The following ZBTB17 variants were observed in gnomAD, a reference collection of about 807,000 sequenced individuals.
ZBTB17 encodes the protein zinc finger and BTB domain-containing protein 17.
In ZBTB17, 24 loss-of-function variants were observed where a neutral mutation model predicts 85.1. That is an observed-to-expected ratio of 0.28 (90% CI 0.20 to 0.40). The LOEUF is 0.40. ZBTB17 is among the 10% of genes least tolerant of loss of function. The probability of loss-of-function intolerance (pLI) is 1.00; values close to 1 mark genes in which losing one functional copy is unlikely to be tolerated. For missense variants in ZBTB17, 743 were observed against 1,105.1 expected (o/e 0.67, Z 4.65); for synonymous variants, 464 against 460.2 (o/e 1.01, Z -0.11).
intron 3 of ZBTB17, 138 bp downstream of exon 3, chr1:15,948,153 C>T (rs1160559710): frequency 7.0e-6 from 7 of 1,004,950 alleles, no homozygotes; most frequent in Non-Finnish European, 1.1e-5. Context: ...TACTGAATTG[C>T]TCATGGCCTG....
intron 2 of ZBTB17, chr1:15,969,802 C>T (rs2072577934): frequency 3.8e-6 from 2 of 531,880 alleles, no homozygotes; most frequent in Non-Finnish European, 7.2e-6. Flanking sequence ...GTGCATCCCT[C>T]CCCAGCTTCC....
chr1:15,956,169 C>A (rs1403816895), intron 2 of ZBTB17, among the ~76,000 whole-genome samples: 1 of 152,260 alleles, frequency 6.6e-6, no homozygotes, highest in Non-Finnish European at 1.5e-5. Context: ...AAGGCACACA[C>A]ACCCATCAGC....
chr1:15,975,834 G>C (rs2072859432), intron 1 of ZBTB17, 149 bp downstream of exon 1: 2 of 136,700 alleles, frequency 1.5e-5, no homozygotes, highest in Non-Finnish European at 3.0e-5. Flanking sequence ...CCCGCCCAGC[G>C]GTGTCCCCTC....
chr1:15,970,426 C>CT (rs2072605568), intron 2 of ZBTB17, among the ~76,000 whole-genome samples: 1 of 151,980 alleles, frequency 6.6e-6, no homozygotes, highest in African/African-American at 2.4e-5. Context: ...GAGTCTCACT[C>CT]TGTCACCTAA....
At position 15,943,864 on chromosome 1, in the gene ZBTB17, T is replaced by C. The variant is rs752501017; in HGVS notation, c.1403A>G (p.His468Arg). ...GCACTTGAGGGGCCCGTCAGCGATG[T>C]GGATCTTCAGGTGGGCCTTCAGGTT... Reference protein sequence around the residue: ...VGNLKAHLKIHIADGPLKCRE... With the variant: ...VGNLKAHLKIRIADGPLKCRE... Residue 468 changes from histidine to arginine, a missense_variant, in exon 10 of 16, where the codon CAC becomes CGC. By Grantham distance (29) the His-to-Arg change is conservative. Around this residue, in one of 4 missense-constraint regions of ZBTB17, gnomAD observed 321 missense variants for 615.7 expected, o/e 0.52. Transcript: ENST00000375743. 2 of 1,609,466 alleles carry C rather than the reference T, an allele frequency of 1.2e-6. No homozygotes were observed. Among genetic ancestry groups the C allele is most frequent in the East Asian group, 2.2e-5 (1 of 44,648 alleles).
intron 2 of ZBTB17, among the ~76,000 whole-genome samples, chr1:15,949,256 T>C (rs908963801): frequency 6.6e-6 from 1 of 152,144 alleles, no homozygotes; most frequent in Non-Finnish European, 1.5e-5. Context: ...CAAGTGAAAA[T>C]GCTCAGGAAA....
Position 15,943,413 on chromosome 1 carries a change from C to G in ZBTB17, c.1683G>C (p.Glu561Asp). ...GGGGGCAGGACCTCTTGCCGCAGCG[C>G]TCGCAGACGTAGGGCTTCTCCCCGG... The part of the protein sequence containing the change: ...QHTGEKPYVC[E>D]RCGKRFVQSS... Residue 561 changes from glutamate (E) to aspartate (D), a missense_variant, in exon 12 of 16, where the codon GAG becomes GAC. Coordinates refer to ENST00000375743, the MANE Select transcript of ZBTB17 (RefSeq NM_003443.3). 6.2e-7 allele frequency: 1 copy of G among 1,602,028 alleles called. No homozygotes were observed. Among genetic ancestry groups the G allele is most frequent in the East Asian group, 2.2e-5 (1 of 44,728 alleles).
chr1:15,950,616 G>A (rs911819056), intron 2 of ZBTB17, among the ~76,000 whole-genome samples: 2 of 152,180 alleles, frequency 1.3e-5, no homozygotes, highest in Admixed American at 6.5e-5. Flanking sequence ...TGCAAGTGAG[G>A]CCCAACCCTT....
In ZBTB17 at chr1:15,942,332, T is replaced by A; in HGVS notation, c.2127A>T (p.Glu709Asp). 6.2e-7 allele frequency: 1 copy of A among 1,613,974 alleles called. No individual in the cohort carries two copies. Among genetic ancestry groups the A allele is most frequent in the Non-Finnish European group, 8.5e-7 (1 of 1,180,024 alleles). Residue 709 changes from glutamate (E) to aspartate (D), a missense_variant and splice_region_variant, in exon 15 of 16, where the codon GAA becomes GAT. Transcript: ENST00000375743. ...TCACACCCGGGTGGCCCCCCTCACC[T>A]TCTTCCTGCACTTGCTTCACAGCTT... ...ISKAVKQVQE[E>D]DPNTHILYAC...
chr1:15,941,990 T>C lies in ZBTB17; in HGVS notation c.2391A>G (p.Glu797=). 1.3e-6 allele frequency: 2 copies of C among 1,599,918 alleles called. No individual in the cohort carries two copies. The highest frequency in any genetic ancestry group is 1.7e-6 in the Non-Finnish European group (2 of 1,176,538). ...CAGCTCACTCGGCAGGCGGGGGACA[T>C]TCAGGAGCTGTAGGGGAGGTCTCTG... ...ALAETSPTAP[E]CPPPAE Residue 797 remains glutamate, a synonymous_variant, in exon 16 of 16, where the codon GAA becomes GAG. Coordinates refer to ENST00000375743, the MANE Select transcript of ZBTB17 (RefSeq NM_003443.3).
intron 2 of ZBTB17, among the ~76,000 whole-genome samples, chr1:15,961,435 G>A (rs1234241131): frequency 1.3e-5 from 2 of 152,198 alleles, no homozygotes; most frequent in African/African-American, 2.4e-5. Context: ...AAAACTAAAC[G>A]AGTAAGAATA....
chr1:15,947,271 G>A, intron 3 of ZBTB17, 148 bp from the exon 4 acceptor site: 1 of 802,112 alleles, frequency 1.2e-6, no homozygotes, highest in African/African-American at 1.7e-5. Flanking sequence ...GTGGAGAGGA[G>A]GCAGGTAACC....
chr1:15,965,432 T>A lies in ZBTB17; in HGVS notation c.-3+7607A>T, dbSNP rs1397106459. Among the ~76,000 whole-genome samples, 15 of 152,138 alleles carry A rather than the reference T, an allele frequency of 9.9e-5. 1 individual carries two copies. The highest frequency in any genetic ancestry group is 1.5e-5 in the Non-Finnish European group (1 of 68,034). ...TGTCATTGTACGCCCACCAGATTAG[T>A]AAAAATGTTGAAGTCTGAAAATACC... On this transcript the variant is annotated intron_variant, in intron 2 of 15. Coordinates refer to ENST00000375743, the MANE Select transcript of ZBTB17 (RefSeq NM_003443.3).
At chr1:15,962,507 A>G (rs1474681343) in intron 2 of ZBTB17, among the ~76,000 whole-genome samples, 1 of 152,078 alleles carries the variant, frequency 6.6e-6, no homozygotes, top group Non-Finnish European at 1.5e-5. Context: ...AGGGGGGACT[A>G]ATACAGTCAC....
In ZBTB17 at chr1:15,964,003, C is replaced by T. The variant is rs2072351540; in HGVS notation, c.-3+9036G>A. On this transcript the variant is annotated intron_variant, in intron 2 of 15. Transcript: ENST00000375743. This position sits in a 1 kb window ranked among gnomAD's most constrained non-coding sequence, Gnocchi z 4.3. The stretch of plus-strand genomic sequence containing the variant: ...GGTGTGGTGGCGAGTGCCTGTGATC[C>T]CAGCTACTCGAGAAGCTGAGGCAGG... Among the ~76,000 whole-genome samples, 1 of 151,466 alleles carries T rather than the reference C, an allele frequency of 6.6e-6. No individual in the cohort carries two copies. The highest frequency in any genetic ancestry group is 1.5e-5 in the Non-Finnish European group (1 of 67,862).
chr1:15,975,476 C>A (rs1334760537), intron 1 of ZBTB17, among the ~76,000 whole-genome samples: 2 of 152,194 alleles, frequency 1.3e-5, no homozygotes, highest in Non-Finnish European at 2.9e-5. Context: ...AGGTGCTGAA[C>A]CACCGTCCGC....
chr1:15,943,532 C>G lies in ZBTB17; in HGVS notation c.1577-13G>C, dbSNP rs888533962. ...CATGGCTTCTCACCTGGGGACCGGG[C>G]AGAAGGTGTTGGTGCCTGCTCCTCT... On this transcript the variant is annotated splice_polypyrimidine_tract_variant and intron_variant, in intron 11 of 15. Transcript: ENST00000375743. 6.2e-7 allele frequency: 1 copy of G among 1,610,088 alleles called. No individual in the cohort carries two copies. Among genetic ancestry groups the G allele is most frequent in the African/African-American group, 1.3e-5 (1 of 74,882 alleles).
Position 15,942,568 on chromosome 1 carries a change from T to C in ZBTB17, c.1999A>G (p.Thr667Ala), listed in dbSNP as rs2071408212. The C allele has an allele frequency of 1.2e-6, 2 of 1,612,248 alleles. No individual in the cohort carries two copies. Among genetic ancestry groups the C allele is most frequent in the South Asian group, 2.2e-5 (2 of 91,082 alleles). ...VTVDDMVTLATEALAATAVTQ... is the reference protein window; with the variant it reads ...VTVDDMVTLAAEALAATAVTQ... ...ACGGCTGTCGCTGCCAGTGCCTCGG[T>C]AGCCAGCGTGACCATGTCATCCACA... The change falls in exon 14 of 16, where the codon ACC (threonine) becomes GCC (alanine). Residue 667 changes from threonine (T) to alanine (A), a missense_variant. By Grantham distance (58) the Thr-to-Ala change is moderately conservative. This residue lies in a region of ZBTB17 where 321 missense variants were observed against 615.7 expected (regional missense o/e 0.52). Coordinates refer to ENST00000375743, the MANE Select transcript of ZBTB17 (RefSeq NM_003443.3).
At chr1:15,947,234 G>A in intron 3 of ZBTB17, 111 bp from the exon 4 acceptor site, 4 of 1,145,266 alleles carry the variant, frequency 3.5e-6, no homozygotes, top group Middle Eastern at 5.5e-4. Context: ...CAGCTGAGTG[G>A]CAAGCCTGCA....
Sources: gnomAD v4.1 joint callset for allele counts (sites outside exome capture counted in the v4.1 genomes callset) on GRCh38, gnomAD v4.1.1 for gene constraint, gnomAD v4.1.1 regional missense constraint, Gnocchi (gnomAD v3.1) non-coding constraint, MANE v1.5 for transcripts, NCBI Gene and HGNC (gene_info 2026-07-23, HGNC 2026-07-21) for gene names.